RNF6: variants seen among roughly 807,000 people sequenced by gnomAD.
RNF6 encodes the protein E3 ubiquitin-protein ligase RNF6.
RNF6 carries 21 observed loss-of-function variants against 50.1 expected under a neutral mutation model. The observed-to-expected ratio is 0.42, with a 90% CI of 0.30 to 0.60. The LOEUF (loss-of-function observed/expected upper bound fraction) is 0.60, where lower values mean the gene tolerates loss of function less well. Ranked by LOEUF, RNF6 falls within the 20% of genes least tolerant of loss-of-function variation. The pLI is 0.20. For synonymous variants in RNF6, 255 were observed against 291.8 expected (o/e 0.87, Z 1.29); for missense variants, 698 against 838.2 (o/e 0.83, Z 2.07).
At chr13:26,182,371 C>T (rs554402830) in intron 5 of RNF6, among the ~76,000 whole-genome samples, 89 of 118,020 alleles carry the variant, frequency 7.5e-4, no homozygotes, top group Admixed American at 1.5e-3. Context: ...AAAAATGTTA[C>T]ATAGGACAGA....
chr13:26,162,039 T>C (rs1365466301), intron 5 of RNF6, among the ~76,000 whole-genome samples: 1 of 152,218 alleles, frequency 6.6e-6, no homozygotes, highest in Non-Finnish European at 1.5e-5. Context: ...TTCTGTATAT[T>C]ATGATGTTTT....
intron 5 of RNF6, among the ~76,000 whole-genome samples, chr13:26,186,067 G>A (rs1873505552): frequency 6.6e-6 from 1 of 152,140 alleles, no homozygotes; most frequent in Non-Finnish European, 1.5e-5. Flanking sequence ...ACCCTAAAAT[G>A]CGATAGGGAA....
intron 5 of RNF6, among the ~76,000 whole-genome samples, chr13:26,177,823 C>T (rs1031038182): frequency 6.6e-6 from 1 of 152,210 alleles, no homozygotes; most frequent in African/African-American, 2.4e-5. Context: ...CCTCCCAGCT[C>T]TAGCTATGCC....
chr13:26,222,489 ACT>A (rs951760159), upstream of RNF6: 3 of 152,132 alleles, frequency 2.0e-5, no homozygotes, highest in Admixed American at 1.3e-4. Context: ...CCAGCACTTA[ACT>A]CTGCGCGTCG....
rs1315249122 is a variant in RNF6 at position 26,214,289 on chromosome 13, C to T, written c.1593G>A (p.Gln531=). The T allele has an allele frequency of 1.9e-6, 3 of 1,614,024 alleles. No homozygotes were observed. The African/African-American group carries it at 4.0e-5, about 22-fold the overall frequency. ...SNLGTDNNRS[Q]HREGSSQDRQ... is the part of the protein sequence containing the mutation. ...TGTCTTGAGAGGAACCTTCCCTGTG[C>T]TGGCTCCTGTTGTTATCTGTACCTA... is the stretch of plus-strand genomic sequence containing the variant. The change falls in exon 5 of 5, where the codon CAG becomes CAA. Residue 531 remains glutamine (Q), a synonymous_variant. Transcript: ENST00000381588.
At chr13:26,207,841 T>G (rs1336409710), downstream of RNF6, among the ~76,000 whole-genome samples, 3 of 152,230 alleles carry the variant, frequency 2.0e-5, no homozygotes, top group Admixed American at 2.0e-4. Flanking sequence ...CCATGCCAGC[T>G]AAGGCAGTCC....
intron 5 of RNF6, chr13:26,144,883 C>T (rs2137565074): frequency 6.6e-6 from 1 of 152,190 alleles, no homozygotes; most frequent in East Asian, 1.9e-4. Context: ...TATACCACTT[C>T]CATTTGGCAA....
At chr13:26,210,333 A>G (rs371329369), downstream of RNF6, among the ~76,000 whole-genome samples, 5 of 152,184 alleles carry the variant, frequency 3.3e-5, no homozygotes, top group African/African-American at 1.2e-4. Context: ...ATTCCAATGG[A>G]GAGATGCAGG....
At chr13:26,133,421 T>C (rs550702369) in intron 5 of RNF6, among the ~76,000 whole-genome samples, 1 of 152,304 alleles carries the variant, frequency 6.6e-6, no homozygotes, top group East Asian at 1.9e-4. Context: ...TCTGGCCTAT[T>C]CTCTCTCTTC....
chr13:26,201,114 G>A (rs1868880921), intron 5 of RNF6, among the ~76,000 whole-genome samples: 1 of 152,100 alleles, frequency 6.6e-6, no homozygotes, highest in Admixed American at 6.5e-5. Context: ...CAAGACTGCA[G>A]AAGAAAAAAG....
intron 5 of RNF6, among the ~76,000 whole-genome samples, chr13:26,134,479 T>TG (rs1240893440): frequency 1.3e-5 from 2 of 151,616 alleles, no homozygotes. Flanking sequence ...TTTTGTTTTT[T>TG]GTTTTTTTTT....
At position 26,177,448 on chromosome 13, in the gene RNF6, G is replaced by C. The variant is rs141138066; in HGVS notation, n.768+38026C>G. Among the ~76,000 whole-genome samples the C allele has an allele frequency of 3.5e-3, 535 of 152,240 alleles. 3 individuals carry two copies. The highest frequency in any genetic ancestry group is 0.012 in the African/African-American group (503 of 41,544). Reference sequence around the variant, plus strand: ...CTCTTCCTCTGCCCTTCTCTAACATGTCACTGTCCATCAGTCAGAGTTCTG... The same window carrying C: ...CTCTTCCTCTGCCCTTCTCTAACATCTCACTGTCCATCAGTCAGAGTTCTG... On this transcript the variant is annotated intron_variant and non_coding_transcript_variant, in intron 5 of 5. Coordinates refer to the RNF6 transcript ENST00000468480.
At chr13:26,173,827 TG>T (rs1177538973) in intron 5 of RNF6, among the ~76,000 whole-genome samples, 6 of 151,762 alleles carry the variant, frequency 4.0e-5, no homozygotes, top group African/African-American at 1.2e-4. Flanking sequence ...GGTGTATGCC[TG>T]TAATCCTAGC....
At chr13:26,132,412 C>A (rs1399621449) in exon 6 of RNF6, 1 of 459,392 alleles carries the variant, frequency 2.2e-6, no homozygotes, top group Admixed American at 2.3e-5. Context: ...GACTTAACAA[C>A]TGGTTTTCTG....
intron 4 of RNF6, among the ~76,000 whole-genome samples, chr13:26,217,329 T>G (rs1356709724): frequency 2.0e-5 from 3 of 152,250 alleles, no homozygotes; most frequent in Non-Finnish European, 4.4e-5. Flanking sequence ...CCTTCTTTGA[T>G]TAACATTTGA....
At chr13:26,153,047 C>T (rs377358039) in intron 5 of RNF6, among the ~76,000 whole-genome samples, 2 of 151,442 alleles carry the variant, frequency 1.3e-5, no homozygotes, top group Non-Finnish European at 1.5e-5. Flanking sequence ...CGGCTACTTA[C>T]GAGGCTGAGG....
intron 5 of RNF6, among the ~76,000 whole-genome samples, chr13:26,172,568 G>T (rs1872746299): frequency 6.8e-6 from 1 of 147,292 alleles, no homozygotes. Flanking sequence ...TTTTGAGATG[G>T]AATCTTGCTC....
At chr13:26,156,653 C>G (rs1448581784) in intron 5 of RNF6, among the ~76,000 whole-genome samples, 2 of 152,136 alleles carry the variant, frequency 1.3e-5, no homozygotes, top group Non-Finnish European at 2.9e-5. Flanking sequence ...ATAACTCAAT[C>G]TATGTTTCTC....
intron 5 of RNF6, among the ~76,000 whole-genome samples, chr13:26,156,107 A>G (rs1033611789): frequency 3.9e-5 from 6 of 152,256 alleles, no homozygotes; most frequent in Non-Finnish European, 7.3e-5. Context: ...AACCTAACTT[A>G]AAAGAAATAT....
Sources: gnomAD v4.1 joint callset for allele counts (sites outside exome capture counted in the v4.1 genomes callset) on GRCh38, gnomAD v4.1.1 for gene constraint, MANE v1.5 for transcripts, NCBI Gene and HGNC (gene_info 2026-07-23, HGNC 2026-07-21) for gene names.